PTPRQ: variants seen among roughly 807,000 people sequenced by gnomAD.
PTPRQ encodes the protein protein tyrosine phosphatase receptor type Q.
PTPRQ carries 199 observed loss-of-function variants against 246.0 expected under a neutral mutation model. The observed-to-expected ratio is 0.81, with a 90% confidence interval of 0.72 to 0.91. The LOEUF (loss-of-function observed/expected upper bound fraction) is 0.91. Among genes scored for constraint, PTPRQ ranks in the 40% least tolerant of loss-of-function variants. The probability of loss-of-function intolerance (pLI) is 0.00; values close to 1 mark genes in which losing one functional copy is unlikely to be tolerated. For missense variants in PTPRQ, 2,624 were observed against 2,528.4 expected (o/e 1.04, Z -0.81); for synonymous variants, 869 against 853.2 (o/e 1.02, Z -0.32).
rs1895946307 is a variant in PTPRQ, at chr12:80,535,044, A to G, written c.2985+7A>G. On this transcript the variant is annotated splice_region_variant and intron_variant, in intron 19 of 44. Transcript: ENST00000644991. ...TTCAGGTACTTTTATGCAGGTAAGA[A>G]CTGAATTTTCTTCTAGTTCTTTATT... The G allele has an allele frequency of 6.7e-7, 1 of 1,502,890 alleles. No individual in the cohort carries two copies. Among genetic ancestry groups the G allele is most frequent in the Non-Finnish European group, 8.8e-7 (1 of 1,131,114 alleles). The allele number at this position is 1,502,890 out of a possible 1,614,324, so 93.1% of individuals were successfully genotyped here.
Position 80,546,619 on chromosome 12 carries a change from A to G in PTPRQ, c.3937A>G (p.Ile1313Val). 1.3e-6 allele frequency: 2 copies of G among 1,551,406 alleles called. No homozygotes were observed. Among genetic ancestry groups the G allele is most frequent in the Non-Finnish European group, 1.7e-6 (2 of 1,146,860 alleles). The change falls in exon 24 of 45, where the codon ATC becomes GTC. Residue 1313 changes from isoleucine (I) to valine (V), a missense_variant. Ile to Val is a conservative substitution (Grantham distance 29). Coordinates refer to ENST00000644991, the MANE Select transcript of PTPRQ (RefSeq NM_001145026.2). The stretch of plus-strand genomic sequence containing the variant: ...ACTGGAACCAGTCAGCACCTACTCT[A>G]TCCGTGTATCTGCGTTCACCAAAGT... Reference protein sequence around the residue: ...VGLEPVSTYSIRVSAFTKVGN... With the variant: ...VGLEPVSTYSVRVSAFTKVGN...
At chr12:80,536,086 G>A (rs1895980721) in intron 19 of PTPRQ, among the ~76,000 whole-genome samples, 1 of 152,130 alleles carries the variant, frequency 6.6e-6, no homozygotes, top group African/African-American at 2.4e-5. Context: ...CAGCCTGGGC[G>A]AGAGAGCGAG....
intron 14 of PTPRQ, among the ~76,000 whole-genome samples, chr12:80,499,186 TA>T (rs1302496017): frequency 6.6e-6 from 1 of 151,822 alleles, no homozygotes; most frequent in Non-Finnish European, 1.5e-5. Context: ...CTGAGATGGC[TA>T]AAAAAATAAA....
intron 14 of PTPRQ, among the ~76,000 whole-genome samples, chr12:80,502,688 G>T (rs1049503450): frequency 6.6e-6 from 1 of 151,822 alleles, no homozygotes; most frequent in East Asian, 1.9e-4. Flanking sequence ...TTTGATGAGG[G>T]TCAGAGAATT....
intron 35 of PTPRQ, among the ~76,000 whole-genome samples, chr12:80,644,856 A>G (rs1565838202): frequency 6.6e-6 from 1 of 152,118 alleles, no homozygotes; most frequent in Non-Finnish European, 1.5e-5. Context: ...GAACGAAAGC[A>G]ATGATAAGTA....
At chr12:80,550,618 T>C (rs1193887201) in intron 25 of PTPRQ, among the ~76,000 whole-genome samples, 1 of 152,168 alleles carries the variant, frequency 6.6e-6, no homozygotes, top group Non-Finnish European at 1.5e-5. Context: ...ACCATGTCAT[T>C]GTGACTTACC....
intron 39 of PTPRQ, among the ~76,000 whole-genome samples, chr12:80,663,599 A>G (rs1285620741): frequency 1.3e-5 from 2 of 151,748 alleles, no homozygotes; most frequent in Admixed American, 6.6e-5. Flanking sequence ...TAAAGATTTC[A>G]CTCCGGGATC....
intron 39 of PTPRQ, among the ~76,000 whole-genome samples, chr12:80,658,595 G>A (rs1195541674): frequency 1.3e-5 from 2 of 151,954 alleles, no homozygotes; most frequent in African/African-American, 4.8e-5. Flanking sequence ...CATTCACCTT[G>A]AAACTCTAAA....
At chr12:80,671,019 T>G (rs372394838) in intron 42 of PTPRQ, among the ~76,000 whole-genome samples, 1 of 152,066 alleles carries the variant, frequency 6.6e-6, no homozygotes, top group East Asian at 1.9e-4. Flanking sequence ...AACAATAACT[T>G]TTAATATTTT....
intron 3 of PTPRQ, among the ~76,000 whole-genome samples, chr12:80,446,434 T>C (rs911427225): frequency 6.6e-6 from 1 of 151,754 alleles, no homozygotes; most frequent in Non-Finnish European, 1.5e-5. Context: ...ATGAAATGTC[T>C]TTTTTTTAAA....
intron 17 of PTPRQ, among the ~76,000 whole-genome samples, chr12:80,519,030 C>T (rs1895391602): frequency 6.6e-6 from 1 of 152,038 alleles, no homozygotes; most frequent in African/African-American, 2.4e-5. Flanking sequence ...GATATTTTGA[C>T]AGAGATTGCA....
At chr12:80,457,919 CT>C (rs777568362) in intron 4 of PTPRQ, among the ~76,000 whole-genome samples, 8 of 151,888 alleles carry the variant, frequency 5.3e-5, no homozygotes, top group Non-Finnish European at 1.2e-4. Flanking sequence ...ATAAAAAATG[CT>C]TTTATCATTT....
chr12:80,445,714 T>C lies in PTPRQ; in HGVS notation c.387T>C (p.Ile129=), dbSNP rs749326611. Residue 129 remains isoleucine, a synonymous_variant, in exon 3 of 45, where the codon ATT becomes ATC. Coordinates refer to ENST00000644991, the MANE Select transcript of PTPRQ (RefSeq NM_001145026.2). ...TNLNPGTTYE[I]KVAAENSAGI... ...TTAATCCTGGAACAACATATGAAATTAAGGTAATTATTTTGTGTATGACTA... is the reference window on the plus strand; with the variant it reads ...TTAATCCTGGAACAACATATGAAATCAAGGTAATTATTTTGTGTATGACTA... The C allele has an allele frequency of 2.6e-6, 4 of 1,524,566 alleles. 1 individual carries two copies. The South Asian group carries it at 4.8e-5, about 18-fold the overall frequency. The allele number at this position is 1,524,566 out of a possible 1,614,324, so 94.4% of individuals were successfully genotyped here.
intron 19 of PTPRQ, among the ~76,000 whole-genome samples, chr12:80,538,524 T>C (rs1896055370): frequency 6.6e-6 from 1 of 152,216 alleles, no homozygotes; most frequent in Non-Finnish European, 1.5e-5. Flanking sequence ...TATTGGAAGG[T>C]ATTAAAGTTC....
chr12:80,557,362 A>T lies in PTPRQ; in HGVS notation c.4285+7628A>T, dbSNP rs149038711. Among the ~76,000 whole-genome samples the T allele has an allele frequency of 1.5e-3, 232 of 151,836 alleles. 1 individual carries two copies. The highest frequency in any genetic ancestry group is 5.2e-3 in the African/African-American group (216 of 41,362). On this transcript the variant is annotated intron_variant, in intron 25 of 44. Transcript: ENST00000644991. ...TTTTGGATATATTATATGTACCATT[A>T]TCTGTGGGTCTGTTCTCACATGCTG... is the stretch of plus-strand genomic sequence containing the variant.
Position 80,669,383 on chromosome 12 carries a change from T to G in PTPRQ, c.6372T>G (p.Thr2124=). Residue 2124 remains threonine, a synonymous_variant, in exon 41 of 45, where the codon ACT becomes ACG. Coordinates refer to ENST00000644991, the MANE Select transcript of PTPRQ (RefSeq NM_001145026.2). ...QYWPEDNKPV[T]VFGDIVITKL... ...GGCCAGAGGACAACAAGCCAGTTAC[T>G]GTCTTTGGAGATATAGTGATTACAA... The G allele has an allele frequency of 6.5e-7, 1 of 1,550,148 alleles. No homozygotes were observed.
intron 26 of PTPRQ, among the ~76,000 whole-genome samples, chr12:80,604,583 T>C (rs1377322435): frequency 6.6e-6 from 1 of 151,464 alleles, no homozygotes; most frequent in Non-Finnish European, 1.5e-5. Context: ...GTGAAAACAA[T>C]AAAATCAACT....
intron 33 of PTPRQ, among the ~76,000 whole-genome samples, chr12:80,623,639 A>G (rs549653712): frequency 6.6e-6 from 1 of 152,296 alleles, no homozygotes; most frequent in African/African-American, 2.4e-5. Flanking sequence ...CCTAGACAAG[A>G]TAGATAACCC....
chr12:80,519,333 T>G (rs1389774976), intron 17 of PTPRQ, among the ~76,000 whole-genome samples: 1 of 152,200 alleles, frequency 6.6e-6, no homozygotes, highest in Non-Finnish European at 1.5e-5. Context: ...AGTTTGTGAT[T>G]TCTTTGCATG....
Sources: gnomAD v4.1 joint callset for allele counts (sites outside exome capture counted in the v4.1 genomes callset) on GRCh38, gnomAD v4.1.1 for gene constraint, MANE v1.5 for transcripts, NCBI Gene and HGNC (gene_info 2026-07-23, HGNC 2026-07-21) for gene names.